Variants in SBF2 observed in about 807,000 individuals in gnomAD.
SBF2 encodes the protein SET binding factor 2.
SBF2 carries 112 observed loss-of-function variants against 225.2 expected under a neutral mutation model. The observed-to-expected ratio is 0.50, with a 90% confidence interval of 0.43 to 0.58. The LOEUF (loss-of-function observed/expected upper bound fraction) is 0.58. Ranked by LOEUF, SBF2 falls within the 20% of genes least tolerant of loss-of-function variation. The pLI is 0.00. For synonymous variants in SBF2, 763 were observed against 773.3 expected (o/e 0.99, Z 0.22); for missense variants, 1,996 against 2,206.2 (o/e 0.90, Z 1.91).
upstream of SBF2, among the ~76,000 whole-genome samples, chr11:10,296,850 C>T (rs1173963050): frequency 1.3e-5 from 2 of 152,168 alleles, no homozygotes; most frequent in Non-Finnish European, 2.9e-5. Context: ...GATTTCTCTG[C>T]ATCTTTGTCA....
intron 36 of SBF2, 52 bp from the exon 37 acceptor site, chr11:9,785,370 T>G (rs766783944): frequency 6.9e-7 from 1 of 1,445,608 alleles, no homozygotes; most frequent in Non-Finnish European, 9.7e-7. Flanking sequence ...CTTAAACTAC[T>G]GACTGGAAAA....
chr11:10,150,986 T>C (rs945991755), intron 2 of SBF2, among the ~76,000 whole-genome samples: 3 of 152,180 alleles, frequency 2.0e-5, no homozygotes, highest in Non-Finnish European at 4.4e-5. Flanking sequence ...ATGAAATCAT[T>C]ATAGAAACAC....
At chr11:9,927,403 C>G (rs1056246183) in intron 16 of SBF2, among the ~76,000 whole-genome samples, 1 of 152,110 alleles carries the variant, frequency 6.6e-6, no homozygotes, top group Non-Finnish European at 1.5e-5. Context: ...CAGCAATACC[C>G]TGCTACCAAA....
chr11:10,088,725 G>T (rs1192627576), intron 2 of SBF2, among the ~76,000 whole-genome samples: 1 of 152,196 alleles, frequency 6.6e-6, no homozygotes, highest in African/African-American at 2.4e-5. Context: ...TTGAGGGGGT[G>T]TACCCCCACG....
intron 2 of SBF2, among the ~76,000 whole-genome samples, chr11:10,082,307 T>C (rs1284694780): frequency 6.6e-6 from 1 of 152,108 alleles, no homozygotes; most frequent in Non-Finnish European, 1.5e-5. Context: ...ATACAAAGAA[T>C]AGCTGGTACC....
At chr11:9,887,625 A>T (rs994486947) in intron 17 of SBF2, among the ~76,000 whole-genome samples, 1 of 152,214 alleles carries the variant, frequency 6.6e-6, no homozygotes, top group Non-Finnish European at 1.5e-5. Context: ...GCTGTGCTGG[A>T]AAGATGTGCT....
In SBF2 at chr11:10,211,014, CAAAAA is replaced by C. The variant is rs1230619092; in HGVS notation, c.56-17032_56-17028del. 1.3e-3 allele frequency among the ~76,000 whole-genome samples: 42 copies of C among 33,068 alleles called. 2 individuals carry two copies. The South Asian group carries it at 0.054, about 42-fold the overall frequency. The allele number at this position is 33,068 out of a possible 152,430, so 21.7% of individuals were successfully genotyped here. A position where few individuals can be genotyped will look rare whatever the true frequency, so the allele number is the denominator to read the frequency against. Reference sequence around the variant, plus strand: ...GGCGACAAGAGCAAGACTCTTGACTCAAAAAAAAAAAAAAAAAAAAAGAGCCTCTT... The same window carrying C: ...GGCGACAAGAGCAAGACTCTTGACTCAAAAAAAAAAAAAAAAGAGCCTCTT... On this transcript the variant is annotated intron_variant, in intron 1 of 39. Transcript: ENST00000256190.
At position 9,795,862 on chromosome 11, in the gene SBF2, G is replaced by A. The variant is rs756073763; in HGVS notation, c.4539C>T (p.Leu1513=). 3.7e-6 allele frequency: 6 copies of A among 1,613,850 alleles called. No homozygotes were observed. The highest frequency in any genetic ancestry group is 5.1e-6 in the Non-Finnish European group (6 of 1,179,918). Residue 1513 remains leucine (L), a synonymous_variant, in exon 33 of 40, where the codon CTC becomes CTT. Transcript: ENST00000256190. Reference sequence around the variant, plus strand: ...CTAATCTTTCATAGTCTGAATCCAGGAGAAATGTTTTAAAGCGATTAGACA... The same window carrying A: ...CTAATCTTTCATAGTCTGAATCCAGAAGAAATGTTTTAAAGCGATTAGACA... ...HYVSNRFKTF[L]LDSDYERLEH...
chr11:9,851,287 TCA>T (rs1049378043), intron 21 of SBF2, among the ~76,000 whole-genome samples: 1 of 152,200 alleles, frequency 6.6e-6, no homozygotes, highest in African/African-American at 2.4e-5. Context: ...GGCAATGGTA[TCA>T]CAGTTAAGGG....
chr11:9,993,926 T>C lies in SBF2; in HGVS notation c.1048A>G (p.Met350Val). The C allele has an allele frequency of 1.5e-6, 2 of 1,349,652 alleles. No homozygotes were observed. Among genetic ancestry groups the C allele is most frequent in the East Asian group, 4.6e-5 (2 of 43,688 alleles). 83.6% of individuals were successfully genotyped at this position (1,349,652 alleles called of 1,614,324 possible). Residue 350 changes from methionine to valine, a missense_variant, in exon 10 of 40, where the codon ATG (methionine) becomes GTG (valine). Physicochemically the swap from Met to Val is conservative, Grantham distance 21. Transcript: ENST00000256190. ...TTAAATATTAAACTTCTTACCAGCA[T>C]TTTTGAGTGGGATAAAGCTGTTCGT... is the stretch of plus-strand genomic sequence containing the variant. ...PPRTALSHSKMLDKEVRAVFL... is the reference protein window; with the variant it reads ...PPRTALSHSKVLDKEVRAVFL...
At chr11:9,909,634 C>T (rs1862425137) in intron 16 of SBF2, among the ~76,000 whole-genome samples, 2 of 147,272 alleles carry the variant, frequency 1.4e-5, no homozygotes. Flanking sequence ...TGCGCCACTG[C>T]ACTCCAGCCT....
In SBF2 at chr11:10,303,683, A is replaced by G. The variant is rs781599065; in HGVS notation, n.386+809T>C. The G allele has an allele frequency of 1.3e-5, 2 of 152,260 alleles. No individual in the cohort carries two copies. Among genetic ancestry groups the G allele is most frequent in the Non-Finnish European group, 2.9e-5 (2 of 68,090 alleles). 9.4% of individuals were successfully genotyped at this position (152,260 alleles called of 1,614,324 possible). A position where few individuals can be genotyped will look rare whatever the true frequency, so the allele number is the denominator to read the frequency against. On this transcript the variant is annotated intron_variant and non_coding_transcript_variant, in intron 1 of 5. Coordinates refer to the SBF2 transcript ENST00000685217. The surrounding 1 kb of genome is among the most constrained non-coding windows in gnomAD (Gnocchi z 5.2). The stretch of plus-strand genomic sequence containing the variant: ...GTGAGGACTAGAAGCCTGTTTGGCT[A>G]GTGGTCTCGCACCTTTGGCCTCTCC...
intron 2 of SBF2, among the ~76,000 whole-genome samples, chr11:10,089,614 C>T (rs1366641549): frequency 6.6e-6 from 1 of 151,970 alleles, no homozygotes; most frequent in Non-Finnish European, 1.5e-5. Context: ...TGTATGTATA[C>T]AGGGTAGTTA....
At chr11:9,992,676 A>G in intron 11 of SBF2, 133 bp from the exon 12 acceptor site, 4 of 843,730 alleles carry the variant, frequency 4.7e-6, no homozygotes, top group Non-Finnish European at 7.1e-6. Context: ...CATAAAATAT[A>G]TTTCTCTCAA....
intron 2 of SBF2, among the ~76,000 whole-genome samples, chr11:10,088,442 C>T (rs1274425190): frequency 2.0e-5 from 3 of 152,128 alleles, no homozygotes; most frequent in African/African-American, 7.2e-5. Flanking sequence ...TAAAGGAACA[C>T]CTGAGGGTAG....
intron 16 of SBF2, among the ~76,000 whole-genome samples, chr11:9,902,501 A>G (rs1218141373): frequency 1.3e-5 from 2 of 152,240 alleles, no homozygotes; most frequent in Admixed American, 6.5e-5. Flanking sequence ...CCTAGAATAT[A>G]TAAAATTAAA....
At chr11:9,888,431 G>A (rs1860517124) in intron 17 of SBF2, among the ~76,000 whole-genome samples, 1 of 151,872 alleles carries the variant, frequency 6.6e-6, no homozygotes. Context: ...TTAAGCCCAG[G>A]AGGTGGAGGT....
At chr11:10,213,888 G>A (rs144085094) in intron 1 of SBF2, among the ~76,000 whole-genome samples, 4 of 152,272 alleles carry the variant, frequency 2.6e-5, no homozygotes, top group Non-Finnish European at 4.4e-5. Flanking sequence ...TATGAAATCT[G>A]ATGAAGCTCT....
chr11:9,900,458 C>A (rs1436425984), intron 16 of SBF2, among the ~76,000 whole-genome samples: 3 of 152,140 alleles, frequency 2.0e-5, no homozygotes, highest in East Asian at 1.9e-4. Context: ...AAACCACTCA[C>A]CCTGTCACTC....
Sources: allele counts gnomAD v4.1 joint callset (sites outside exome capture counted in the v4.1 genomes callset), GRCh38; gene constraint gnomAD v4.1.1; non-coding constraint Gnocchi (gnomAD v3.1); transcripts MANE v1.5; gene names NCBI Gene and HGNC (gene_info 2026-07-23, HGNC 2026-07-21).